HARBI1: variants seen among roughly 807,000 people sequenced by gnomAD.
The protein encoded by HARBI1 is harbinger transposase derived 1.
A neutral mutation model predicts 25.3 loss-of-function variants in HARBI1; 15 were observed. That is an observed-to-expected ratio of 0.59 (90% CI 0.40 to 0.91). The LOEUF is 0.91. Among genes scored for constraint, HARBI1 ranks in the 40% least tolerant of loss-of-function variants. HARBI1 has a pLI of 0.00. For synonymous variants in HARBI1, 168 were observed against 160.5 expected (o/e 1.05, Z -0.35); for missense variants, 396 against 445.8 (o/e 0.89, Z 1.01).
chr11:46,613,299 A>G (rs1489410067), intron 2 of HARBI1, among the ~76,000 whole-genome samples: 2 of 152,046 alleles, frequency 1.3e-5, no homozygotes, highest in Admixed American at 6.6e-5. Context: ...TTGAATATCT[A>G]TACAATACTT....
chr11:46,603,556 C>T lies in HARBI1; in HGVS notation c.1024G>A (p.Glu342Lys), dbSNP rs765370645. The T allele has an allele frequency of 3.7e-6, 6 of 1,605,492 alleles. No individual in the cohort carries two copies. In the South Asian group the frequency reaches 5.6e-5, roughly 15 times the overall value. The change falls in exon 3 of 3, where the codon GAG (glutamate) becomes AAG (lysine). Residue 342 changes from glutamate (E) to lysine (K), a missense_variant. Coordinates refer to ENST00000326737, the MANE Select transcript of HARBI1 (RefSeq NM_173811.4). The part of the protein sequence containing the change: ...LDLEADRIRQ[E>K]LMLTHFS ...TAGCTAAAATGAGTGAGCATTAGCT[C>T]CTGACGAATACGGTCAGCCTCTAAG...
At position 46,615,585 on chromosome 11, in the gene HARBI1, T is replaced by C; in HGVS notation, c.653A>G (p.Lys218Arg). 6.2e-7 allele frequency: 1 copy of C among 1,613,032 alleles called. No individual in the cohort carries two copies. The highest frequency in any genetic ancestry group is 8.5e-7 in the Non-Finnish European group (1 of 1,179,266). Residue 218 changes from lysine to arginine, a missense_variant, in exon 2 of 3, where the codon AAA becomes AGA. Transcript: ENST00000326737. ...LSSQFEAGMH[K>R]DSWLLGDSSF... ...AAACTTACCCAGAAGCCAGCTATCTTTGTGCATACCCGCTTCAAACTGACT... is the reference window on the plus strand; with the variant it reads ...AAACTTACCCAGAAGCCAGCTATCTCTGTGCATACCCGCTTCAAACTGACT...
chr11:46,606,959 G>A (rs760142261), intron 2 of HARBI1, among the ~76,000 whole-genome samples: 3 of 152,174 alleles, frequency 2.0e-5, no homozygotes, highest in Non-Finnish European at 2.9e-5. Context: ...ACCACACCCA[G>A]CTGGTACTTT....
At chr11:46,604,379 T>C (rs1374648458) in intron 2 of HARBI1, 2 of 854,410 alleles carry the variant, frequency 2.3e-6, no homozygotes, top group Non-Finnish European at 2.8e-6. Flanking sequence ...CACTCCAACC[T>C]GGGCGACAAG....
intron 2 of HARBI1, among the ~76,000 whole-genome samples, chr11:46,609,890 T>C (rs986462268): frequency 2.7e-5 from 4 of 149,720 alleles, no homozygotes; most frequent in African/African-American, 9.8e-5. Flanking sequence ...TCTCACTCTG[T>C]TGCCCAGGCT....
intron 2 of HARBI1, chr11:46,604,219 C>T: frequency 1.0e-6 from 1 of 985,296 alleles, no homozygotes; most frequent in South Asian, 4.7e-5. Flanking sequence ...AATAAAATTC[C>T]TGCATTTGGC....
chr11:46,612,232 T>A (rs576859307), intron 2 of HARBI1, among the ~76,000 whole-genome samples: 1 of 152,104 alleles, frequency 6.6e-6, no homozygotes, highest in Non-Finnish European at 1.5e-5. Flanking sequence ...GAGCCTGGGC[T>A]GAGGCCAGAG....
At chr11:46,603,933 C>A (rs2044843561) in intron 2 of HARBI1, 24 bp from the exon 3 acceptor site, 7 of 1,578,442 alleles carry the variant, frequency 4.4e-6, no homozygotes, top group South Asian at 3.5e-5. Flanking sequence ...CCAAATAAAT[C>A]ATAAATGACT....
At chr11:46,617,378 T>C (rs1179280901), upstream of HARBI1, 1 of 153,800 alleles carries the variant, frequency 6.5e-6, no homozygotes, top group African/African-American at 2.4e-5. Context: ...CCGTCTTTGT[T>C]TTATCTTGAG....
intron 2 of HARBI1, among the ~76,000 whole-genome samples, chr11:46,613,850 T>C (rs2045279393): frequency 6.6e-6 from 1 of 151,950 alleles, no homozygotes; most frequent in Non-Finnish European, 1.5e-5. Flanking sequence ...TTATTACTTT[T>C]CTGAGAGACA....
chr11:46,609,048 C>T (rs1404122818), intron 2 of HARBI1, among the ~76,000 whole-genome samples: 7 of 151,456 alleles, frequency 4.6e-5, no homozygotes, highest in African/African-American at 1.5e-4. Flanking sequence ...CTCAGCCTCC[C>T]GAGTAGCTGG....
intron 2 of HARBI1, among the ~76,000 whole-genome samples, chr11:46,612,071 AGT>A (rs1248456721): frequency 2.0e-5 from 3 of 152,204 alleles, no homozygotes; most frequent in African/African-American, 4.8e-5. Context: ...TTCTCTTTAA[AGT>A]GCTAGTAAAC....
rs1442340320 is a variant in HARBI1 at position 46,603,886 on chromosome 11, T to C, written c.694A>G (p.Thr232Ala). The C allele has an allele frequency of 6.2e-7, 1 of 1,612,086 alleles. No homozygotes were observed. The highest frequency in any genetic ancestry group is 8.5e-7 in the Non-Finnish European group (1 of 1,178,704). Residue 232 changes from threonine (T) to alanine (A), a missense_variant, in exon 3 of 3, where the codon ACC (threonine) becomes GCC (alanine). Thr to Ala is a moderately conservative substitution (Grantham distance 58). Coordinates refer to ENST00000326737, the MANE Select transcript of HARBI1 (RefSeq NM_173811.4). The part of the protein sequence containing the change: ...LLGDSSFFLR[T>A]WLMTPLHIPE... ...ATGTGAAGTGGGGTCATGAGCCAGG[T>C]TCGAAGAAAGAAGGAACTGTCACCT...
upstream of HARBI1, chr11:46,617,540 A>AACCCCCCCCCCCCC (rs2045669960): frequency 1.2e-5 from 1 of 80,262 alleles, no homozygotes; most frequent in Non-Finnish European, 2.2e-5. Context: ...GCCCTCTTTC[A>AACCCCCCCCCCCCC]CCCCCCCCCC....
At chr11:46,604,385 A>G in intron 2 of HARBI1, 1 of 859,332 alleles carries the variant, frequency 1.2e-6, no homozygotes, top group African/African-American at 1.8e-5. Flanking sequence ...AACCTGGGCG[A>G]CAAGCGCGAA....
At chr11:46,604,382 G>C in intron 2 of HARBI1, 1 of 851,256 alleles carries the variant, frequency 1.2e-6, no homozygotes, top group Non-Finnish European at 1.4e-6. Flanking sequence ...TCCAACCTGG[G>C]CGACAAGCGC....
intron 2 of HARBI1, among the ~76,000 whole-genome samples, chr11:46,606,405 C>T (rs2044954914): frequency 1.3e-5 from 2 of 151,446 alleles, no homozygotes; most frequent in South Asian, 2.1e-4. Flanking sequence ...CTCTGCCTCC[C>T]GGGTTGAAGC....
At chr11:46,609,056 T>C (rs2045073841) in intron 2 of HARBI1, among the ~76,000 whole-genome samples, 1 of 151,884 alleles carries the variant, frequency 6.6e-6, no homozygotes, top group Admixed American at 6.6e-5. Context: ...CCCGAGTAGC[T>C]GGGATTACAG....
upstream of HARBI1, chr11:46,617,536 T>G: frequency 5.2e-6 from 1 of 191,940 alleles, no homozygotes. Flanking sequence ...CGTAGCCCTC[T>G]TTCACCCCCC....
Sources: allele counts gnomAD v4.1 joint callset (sites outside exome capture counted in the v4.1 genomes callset), GRCh38; gene constraint gnomAD v4.1.1; transcripts MANE v1.5; gene names NCBI Gene and HGNC (gene_info 2026-07-23, HGNC 2026-07-21).